The following RGS6 variants were observed in gnomAD, a reference collection of about 807,000 sequenced individuals.
RGS6 encodes the protein regulator of G protein signaling 6, also known as regulator of G-protein signaling 6.
Under a neutral mutation model 78.5 loss-of-function variants are expected in RGS6, and 30 were observed. That is an observed-to-expected ratio of 0.38 (90% CI 0.29 to 0.52). RGS6 has a LOEUF of 0.52. RGS6 is among the 20% of genes least tolerant of loss of function. The pLI is 0.85. For synonymous variants in RGS6, 206 were observed against 206.0 expected (o/e 1.00, Z 0.00); for missense variants, 495 against 609.7 (o/e 0.81, Z 1.98).
intron 2 of RGS6, among the ~76,000 whole-genome samples, chr14:72,338,888 A>T (rs1002962520): frequency 6.6e-6 from 1 of 152,264 alleles, no homozygotes; most frequent in Non-Finnish European, 1.5e-5. Context: ...AATGAACATT[A>T]TTGAGGAGTG....
At chr14:72,324,108 T>C (rs987388701) in intron 2 of RGS6, among the ~76,000 whole-genome samples, 1 of 152,092 alleles carries the variant, frequency 6.6e-6, no homozygotes, top group African/African-American at 2.4e-5. Context: ...AGTCACCCTG[T>C]TGTGCTATCA....
In RGS6 at chr14:72,562,509, A is replaced by C; in HGVS notation, c.*42A>C. On this transcript the variant is annotated 3_prime_UTR_variant, in exon 18 of 18. Transcript: ENST00000553525. ...TCCAGGGCCTGGGCCCGCGGACCCCACAGGCAGGCGGCGGCGCTCCACATC... is the reference window on the plus strand; with the variant it reads ...TCCAGGGCCTGGGCCCGCGGACCCCCCAGGCAGGCGGCGGCGCTCCACATC... 1 of 1,608,442 alleles carries C rather than the reference A, an allele frequency of 6.2e-7. No homozygotes were observed. The highest frequency in any genetic ancestry group is 1.3e-5 in the African/African-American group (1 of 75,028).
chr14:71,972,086 A>G (rs1398279958), intron 2 of RGS6, among the ~76,000 whole-genome samples: 1 of 152,014 alleles, frequency 6.6e-6, no homozygotes. Context: ...TACATGTGCC[A>G]TGTTGTTTTG....
At chr14:72,199,633 G>A (rs1006901607) in intron 2 of RGS6, among the ~76,000 whole-genome samples, 2 of 152,180 alleles carry the variant, frequency 1.3e-5, no homozygotes, top group Admixed American at 1.3e-4. Context: ...TGTGGGAGAT[G>A]TGATATGCTC....
At chr14:72,454,408 A>G in intron 3 of RGS6, 120 bp from the exon 4 acceptor site, 2 of 1,032,084 alleles carry the variant, frequency 1.9e-6, no homozygotes, top group Non-Finnish European at 3.1e-6. Flanking sequence ...AAGTGCCCAT[A>G]TTATCCTGCT....
chr14:72,301,451 T>G (rs565552971), intron 2 of RGS6, among the ~76,000 whole-genome samples: 2 of 152,182 alleles, frequency 1.3e-5, no homozygotes, highest in Non-Finnish European at 2.9e-5. Flanking sequence ...TAGAGTCATG[T>G]CTTAGTTTCT....
chr14:72,331,833 G>T (rs574999339), intron 2 of RGS6, among the ~76,000 whole-genome samples: 2 of 152,144 alleles, frequency 1.3e-5, no homozygotes, highest in African/African-American at 4.8e-5. Context: ...TTTCTCCGTG[G>T]ACTATCCAGA....
chr14:71,971,911 T>C (rs2093829204), intron 2 of RGS6, among the ~76,000 whole-genome samples: 1 of 16,426 alleles, frequency 6.1e-5, no homozygotes, highest in Admixed American at 5.9e-4. Flanking sequence ...GGCAGGTTTT[T>C]TTTTTTTTTT....
intron 2 of RGS6, among the ~76,000 whole-genome samples, chr14:72,117,723 G>T (rs2095936541): frequency 6.6e-6 from 1 of 152,178 alleles, no homozygotes; most frequent in Non-Finnish European, 1.5e-5. Flanking sequence ...ACTCAGGGCA[G>T]TCATGGGAGA....
Position 71,942,756 on chromosome 14 carries a change from T to C in RGS6, c.-21+9815T>C, listed in dbSNP as rs568073917. On this transcript the variant is annotated intron_variant, in intron 1 of 17. Transcript: ENST00000553525. The stretch of plus-strand genomic sequence containing the variant: ...CTACCTTTTATATAGAAAATATATC[T>C]TTTCCTTCTACTTAGGTGTTAGTAA... 2.0e-5 allele frequency among the ~76,000 whole-genome samples: 3 copies of C among 152,274 alleles called. No individual in the cohort carries two copies. The East Asian group carries it at 5.8e-4, about 29-fold the overall frequency.
the RGS6 span, among the ~76,000 whole-genome samples, chr14:72,601,595 G>C: frequency 6.6e-6 from 1 of 152,208 alleles, no homozygotes; most frequent in African/African-American, 2.4e-5. Context: ...GATTTTGAAT[G>C]TTCTTAGCAC....
intron 3 of RGS6, among the ~76,000 whole-genome samples, chr14:72,385,474 T>C (rs1232964186): frequency 2.6e-5 from 4 of 152,212 alleles, no homozygotes; most frequent in African/African-American, 9.6e-5. Flanking sequence ...GAAAGAAATA[T>C]CAGGCAATTG....
At chr14:71,876,045 G>A in the RGS6 span, among the ~76,000 whole-genome samples, 1 of 152,204 alleles carries the variant, frequency 6.6e-6, no homozygotes, top group East Asian at 1.9e-4. Flanking sequence ...TACATTTGCT[G>A]AGGAGTGCTT....
intron 3 of RGS6, among the ~76,000 whole-genome samples, chr14:72,419,189 A>G (rs1455375703): frequency 5.9e-5 from 9 of 152,334 alleles, no homozygotes; most frequent in South Asian, 4.1e-4. Flanking sequence ...TTATCTTTTG[A>G]TTAGTAGTAG....
intron 2 of RGS6, among the ~76,000 whole-genome samples, chr14:72,295,642 G>C (rs2064661282): frequency 6.6e-6 from 1 of 152,122 alleles, no homozygotes; most frequent in South Asian, 2.1e-4. Context: ...GAAAGTCTTT[G>C]GTTGCTTATA....
intron 15 of RGS6, among the ~76,000 whole-genome samples, chr14:72,523,397 CT>C (rs1390910676): frequency 6.6e-6 from 1 of 152,170 alleles, no homozygotes; most frequent in Non-Finnish European, 1.5e-5. Context: ...CTCAGGGGCT[CT>C]GGGTGGCTTC....
At chr14:71,926,997 A>G in the RGS6 span, among the ~76,000 whole-genome samples, 1 of 152,204 alleles carries the variant, frequency 6.6e-6, no homozygotes, top group Non-Finnish European at 1.5e-5. Flanking sequence ...TTTTTGGTCA[A>G]GGAGACCTGT....
chr14:72,354,220 C>G (rs2079742351), intron 3 of RGS6, among the ~76,000 whole-genome samples: 1 of 152,096 alleles, frequency 6.6e-6, no homozygotes, highest in Admixed American at 6.5e-5. Flanking sequence ...TCATGTCTCA[C>G]AGTTCTGGAG....
chr14:72,283,285 A>G (rs1286819183), intron 2 of RGS6, among the ~76,000 whole-genome samples: 1 of 152,178 alleles, frequency 6.6e-6, no homozygotes, highest in Non-Finnish European at 1.5e-5. Flanking sequence ...TTTTGGCTAT[A>G]TACCCAGAAG....
Sources: allele counts gnomAD v4.1 joint callset (sites outside exome capture counted in the v4.1 genomes callset), GRCh38; gene constraint gnomAD v4.1.1; transcripts MANE v1.5; gene names NCBI Gene and HGNC (gene_info 2026-07-23, HGNC 2026-07-21).